Variants in FGF9 observed in about 807,000 individuals in gnomAD.
FGF9 encodes the protein fibroblast growth factor 9, also known as fibroblast growth factor 9 (glia-activating factor).
Under a neutral mutation model 19.9 loss-of-function variants are expected in FGF9, and 3 were observed. The ratio of observed to expected loss-of-function variants is 0.15; its 90% CI spans 0.07 to 0.39. FGF9 has a LOEUF of 0.39. FGF9 is among the 10% of genes least tolerant of loss of function. FGF9 has a pLI of 1.00. For synonymous variants in FGF9, 107 were observed against 106.9 expected (o/e 1.00, Z -0.01); for missense variants, 175 against 256.8 (o/e 0.68, Z 2.18).
At position 21,672,299 on chromosome 13, in the gene FGF9, C is replaced by T; in HGVS notation, c.277+110C>T. The T allele has an allele frequency of 3.4e-6, 4 of 1,187,294 alleles. No individual in the cohort carries two copies. The highest frequency in any genetic ancestry group is 1.5e-5 in the African/African-American group (1 of 66,706). 73.5% of individuals were successfully genotyped at this position (1,187,294 alleles called of 1,614,324 possible). A position where few individuals can be genotyped will look rare whatever the true frequency, so the allele number is the denominator to read the frequency against. On this transcript the variant is annotated intron_variant, in intron 1 of 2. Coordinates refer to ENST00000382353, the MANE Select transcript of FGF9 (RefSeq NM_002010.3). The surrounding 1 kb of genome is among the most constrained non-coding windows in gnomAD (Gnocchi z 4.2). Reference sequence around the variant, plus strand: ...CGTGGGAAGGGTTCTCCCCTCCTCCCCTCTTTCTCTGTATCTCTGTCTCTC... The same window carrying T: ...CGTGGGAAGGGTTCTCCCCTCCTCCTCTCTTTCTCTGTATCTCTGTCTCTC...
At chr13:21,696,363 G>A (rs1358703316) in intron 2 of FGF9, among the ~76,000 whole-genome samples, 1 of 152,096 alleles carries the variant, frequency 6.6e-6, no homozygotes, top group African/African-American at 2.4e-5. Flanking sequence ...GACTTTAGTA[G>A]ACTTTTGAAT....
intron 2 of FGF9, among the ~76,000 whole-genome samples, chr13:21,695,054 C>G (rs1872372121): frequency 6.6e-6 from 1 of 151,186 alleles, no homozygotes; most frequent in African/African-American, 2.4e-5. Flanking sequence ...GAGCATGCAG[C>G]ACTGAAGATG....
At chr13:21,681,258 G>A (rs1872036702) in intron 2 of FGF9, 113 bp downstream of exon 2, 2 of 811,392 alleles carry the variant, frequency 2.5e-6, no homozygotes, top group Admixed American at 4.5e-5. Flanking sequence ...TGGAAGGCGA[G>A]TGTAAGTTTT....
intron 2 of FGF9, among the ~76,000 whole-genome samples, chr13:21,685,089 G>A (rs1872128619): frequency 6.6e-6 from 1 of 152,166 alleles, no homozygotes; most frequent in Non-Finnish European, 1.5e-5. Flanking sequence ...ATTGAGAGAA[G>A]GAAAGAAACG....
At chr13:21,686,791 G>C (rs1329211632) in intron 2 of FGF9, among the ~76,000 whole-genome samples, 1 of 152,222 alleles carries the variant, frequency 6.6e-6, no homozygotes, top group Non-Finnish European at 1.5e-5. Context: ...AGTGTCTACT[G>C]TACATGAGCA....
chr13:21,677,008 A>G (rs1432964003), intron 1 of FGF9, among the ~76,000 whole-genome samples: 1 of 152,220 alleles, frequency 6.6e-6, no homozygotes, highest in Non-Finnish European at 1.5e-5. Flanking sequence ...GAAATAGTCC[A>G]GGCATTGACC....
At chr13:21,690,678 G>T (rs779210013) in intron 2 of FGF9, among the ~76,000 whole-genome samples, 1 of 152,164 alleles carries the variant, frequency 6.6e-6, no homozygotes, top group Non-Finnish European at 1.5e-5. Context: ...GTTATTTGTG[G>T]TCGTGGGCAA....
In FGF9 at chr13:21,700,015, GGTGTGTGT is replaced by G. The variant is rs3076108; in HGVS notation, c.382-1148_382-1141del. On this transcript the variant is annotated intron_variant, in intron 2 of 2. Transcript: ENST00000382353. The stretch of plus-strand genomic sequence containing the variant: ...GGGCGTGTTCACAGCTTTGGGATGT[GGTGTGTGT>G]GTGTGTGTGTGTGTGTGTGTGTGTG... Among the ~76,000 whole-genome samples the G allele has an allele frequency of 1.1e-3, 162 of 146,794 alleles. 1 individual carries two copies. Among genetic ancestry groups the G allele is most frequent in the East Asian group, 2.2e-3 (11 of 4,934 alleles).
chr13:21,694,487 C>A (rs7335527), intron 2 of FGF9, among the ~76,000 whole-genome samples: 7,823 of 152,164 alleles, frequency 0.051, 690 homozygotes, highest in African/African-American at 0.18. Context: ...TACTTCTCAG[C>A]CTTTTAGCTT....
intron 1 of FGF9, among the ~76,000 whole-genome samples, chr13:21,679,957 A>AC (rs1013714067): frequency 7.6e-5 from 9 of 118,922 alleles, no homozygotes; most frequent in Admixed American, 4.1e-4. Flanking sequence ...ACTCCATCTC[A>AC]AAAAAAAAAA....
intron 2 of FGF9, among the ~76,000 whole-genome samples, chr13:21,697,969 G>A (rs929448753): frequency 6.6e-6 from 1 of 152,022 alleles, no homozygotes; most frequent in African/African-American, 2.4e-5. Flanking sequence ...CACCTCGCCT[G>A]GCTAATATTT....
intron 1 of FGF9, among the ~76,000 whole-genome samples, chr13:21,679,008 T>G (rs2138132192): frequency 6.6e-6 from 1 of 152,136 alleles, no homozygotes; most frequent in East Asian, 1.9e-4. Context: ...ATAAAATGCA[T>G]CAAAAAGGGA....
intron 2 of FGF9, among the ~76,000 whole-genome samples, chr13:21,684,609 C>T (rs1015305749): frequency 6.6e-6 from 1 of 152,122 alleles, no homozygotes; most frequent in Non-Finnish European, 1.5e-5. Flanking sequence ...GAGGCTGAAG[C>T]TGGAGGAAAG....
intron 2 of FGF9, among the ~76,000 whole-genome samples, chr13:21,698,641 T>G (rs1872471164): frequency 6.6e-6 from 1 of 152,158 alleles, no homozygotes; most frequent in African/African-American, 2.4e-5. Context: ...GTGTATCTGT[T>G]TCTGATCCAA....
chr13:21,687,499 C>T (rs887230240), intron 2 of FGF9, among the ~76,000 whole-genome samples: 5 of 152,224 alleles, frequency 3.3e-5, no homozygotes, highest in African/African-American at 1.2e-4. Context: ...AAAATGCACA[C>T]TGACACAGTG....
intron 2 of FGF9, among the ~76,000 whole-genome samples, chr13:21,695,095 T>C (rs575874028): frequency 6.6e-6 from 1 of 151,218 alleles, no homozygotes; most frequent in African/African-American, 2.4e-5. Context: ...TGTGTGTGTG[T>C]GTGTGTGTGT....
intron 2 of FGF9, among the ~76,000 whole-genome samples, chr13:21,683,097 C>T (rs546311207): frequency 7.0e-4 from 107 of 152,316 alleles, no homozygotes; most frequent in African/African-American, 2.5e-3. Flanking sequence ...TCACCTTGCA[C>T]ACCCCTCTGA....
At position 21,701,497 on chromosome 13, in the gene FGF9, G is replaced by A; in HGVS notation, c.*62G>A. ...AACCACTATAAAGGTTTCACGCGGT[G>A]GGTTCTTATTGATTCGCTGTGTCAT... On this transcript the variant is annotated 3_prime_UTR_variant, in exon 3 of 3. Coordinates refer to ENST00000382353, the MANE Select transcript of FGF9 (RefSeq NM_002010.3). The A allele has an allele frequency of 1.2e-6, 2 of 1,611,718 alleles. No individual in the cohort carries two copies. Among genetic ancestry groups the A allele is most frequent in the Non-Finnish European group, 1.7e-6 (2 of 1,178,412 alleles).
At chr13:21,692,427 T>C (rs1279809836) in intron 2 of FGF9, among the ~76,000 whole-genome samples, 2 of 152,188 alleles carry the variant, frequency 1.3e-5, no homozygotes, top group Admixed American at 1.3e-4. Flanking sequence ...GAGACTCTAG[T>C]CTATACTTGC....
Sources: allele counts gnomAD v4.1 joint callset (sites outside exome capture counted in the v4.1 genomes callset), GRCh38; gene constraint gnomAD v4.1.1; non-coding constraint Gnocchi (gnomAD v3.1); transcripts MANE v1.5; gene names NCBI Gene and HGNC (gene_info 2026-07-23, HGNC 2026-07-21).